Variants in C19orf44 observed in about 807,000 individuals in gnomAD.
The protein encoded by C19orf44 is uncharacterized protein C19orf44.
A neutral mutation model predicts 50.7 loss-of-function variants in C19orf44; 43 were observed. The observed-to-expected ratio is 0.85, with a 90% CI of 0.66 to 1.09. The LOEUF (loss-of-function observed/expected upper bound fraction) is 1.09, where lower values mean the gene tolerates loss of function less well. Among genes scored for constraint, C19orf44 ranks in the 50% least tolerant of loss-of-function variants. The pLI, the probability that C19orf44 is intolerant of heterozygous loss-of-function variation, is 0.00. For missense variants in C19orf44, 722 were observed against 836.2 expected (o/e 0.86, Z 1.68); for synonymous variants, 298 against 334.7 (o/e 0.89, Z 1.20).
rs2093450404 is a variant in C19orf44, at chr19:16,509,594, C to G, written c.1245C>G (p.Ser415Arg). 1.2e-6 allele frequency: 2 copies of G among 1,614,172 alleles called. No individual in the cohort carries two copies. The highest frequency in any genetic ancestry group is 1.7e-6 in the Non-Finnish European group (2 of 1,179,994). Reference protein sequence around the residue: ...QDAPRQAQARSWASQGKAASA... With the variant: ...QDAPRQAQARRWASQGKAASA... Reference sequence around the variant, plus strand: ...CCCCGAGGCAGGCCCAGGCGAGGAGCTGGGCATCACAGGGAAAGGCCGCCT... The same window carrying G: ...CCCCGAGGCAGGCCCAGGCGAGGAGGTGGGCATCACAGGGAAAGGCCGCCT... The change falls in exon 5 of 9, where the codon AGC (serine) becomes AGG (arginine). Residue 415 changes from serine to arginine, a missense_variant. Physicochemically the swap from Ser to Arg is moderately radical, Grantham distance 110. Coordinates refer to ENST00000221671, the MANE Select transcript of C19orf44 (RefSeq NM_032207.4).
Position 16,514,520 on chromosome 19 carries a change from G to A in C19orf44, c.1759G>A (p.Val587Met), listed in dbSNP as rs752207347. 7 of 1,611,160 alleles carry A rather than the reference G, an allele frequency of 4.3e-6. No homozygotes were observed. The highest frequency in any genetic ancestry group is 1.7e-5 in the Admixed American group (1 of 59,828). ...IEALTAYSPA[V>M]LALHDVLKQQ... is the part of the protein sequence containing the mutation. The stretch of plus-strand genomic sequence containing the variant: ...AGCCCTGACCGCTTACAGCCCGGCC[G>A]TGCTGGCACTCCATGATGTGCTGAA... Residue 587 changes from valine to methionine, a missense_variant, in exon 7 of 9, where the codon GTG becomes ATG. Val to Met is a conservative substitution (Grantham distance 21). Transcript: ENST00000221671.
chr19:16,519,661 G>C lies in C19orf44; in HGVS notation c.*41-433G>C, dbSNP rs746781834. On this transcript the variant is annotated intron_variant, in intron 8 of 8. Transcript: ENST00000221671. The surrounding 1 kb of genome is among the most constrained non-coding windows in gnomAD (Gnocchi z 6.0). ...TCTGATGGCCTTTGTTCTCTTCTCC[G>C]AGCCTTGAGTCAGGGATGGGAGGCG... The C allele has an allele frequency of 2.2e-5, 36 of 1,613,930 alleles. No homozygotes were observed. Among genetic ancestry groups the C allele is most frequent in the Non-Finnish European group, 2.8e-5 (33 of 1,180,016 alleles).
At chr19:16,501,717 G>A (rs534261830) in intron 2 of C19orf44, among the ~76,000 whole-genome samples, 166 bp downstream of exon 2, 175 of 146,750 alleles carry the variant, frequency 1.2e-3, no homozygotes, top group African/African-American at 4.2e-3. Context: ...TCAGCCTCCC[G>A]AGTAGCTGGA....
chr19:16,502,517 G>A (rs1186893048), intron 2 of C19orf44, among the ~76,000 whole-genome samples: 6 of 151,964 alleles, frequency 3.9e-5, no homozygotes, highest in African/African-American at 7.2e-5. Flanking sequence ...ATTTACAGGC[G>A]TGAGCCACCA....
rs1208834768 is a variant in C19orf44 at position 16,515,852 on chromosome 19, A to C, written c.1902+1189A>C. 2.0e-5 allele frequency among the ~76,000 whole-genome samples: 3 copies of C among 151,792 alleles called. No individual in the cohort carries two copies. The East Asian group carries it at 5.8e-4, about 30-fold the overall frequency. On this transcript the variant is annotated intron_variant, in intron 7 of 8. Coordinates refer to ENST00000221671, the MANE Select transcript of C19orf44 (RefSeq NM_032207.4). Reference sequence around the variant, plus strand: ...ACTCTTGTTGCCCAGGCTGGGGTGCAATGGTGCAATCTCAGCTCACTGCAA... The same window carrying C: ...ACTCTTGTTGCCCAGGCTGGGGTGCCATGGTGCAATCTCAGCTCACTGCAA...
chr19:16,500,747 A>C, intron 1 of C19orf44, 45 bp from the exon 2 acceptor site: 1 of 1,514,540 alleles, frequency 6.6e-7, no homozygotes. Context: ...TGCTCAATAC[A>C]AACAGCAGGT....
chr19:16,506,420 T>G (rs1038405614), intron 3 of C19orf44, among the ~76,000 whole-genome samples: 1 of 151,930 alleles, frequency 6.6e-6, no homozygotes, highest in Non-Finnish European at 1.5e-5. Context: ...TGGTGAAATC[T>G]TGTCTGTACT....
intron 6 of C19orf44, among the ~76,000 whole-genome samples, chr19:16,513,383 C>CT (rs779016654): frequency 6.6e-6 from 1 of 152,092 alleles, no homozygotes; most frequent in Non-Finnish European, 1.5e-5. Context: ...AACAAGGCCA[C>CT]TTTTTTTGTT....
At chr19:16,517,090 A>C in intron 7 of C19orf44, 140 bp from the exon 8 acceptor site, 2 of 746,544 alleles carry the variant, frequency 2.7e-6, no homozygotes, top group Non-Finnish European at 2.2e-6. Context: ...CCTGTCACAC[A>C]CATCCTGTGG....
intron 5 of C19orf44, among the ~76,000 whole-genome samples, chr19:16,511,356 T>A (rs1260248479): frequency 6.6e-6 from 1 of 151,956 alleles, no homozygotes; most frequent in Non-Finnish European, 1.5e-5. Flanking sequence ...TTTAAAATGT[T>A]CTTTGTAGAG....
chr19:16,513,541 G>A (rs954817955), intron 6 of C19orf44, among the ~76,000 whole-genome samples: 36 of 151,694 alleles, frequency 2.4e-4, no homozygotes, highest in African/African-American at 6.8e-4. Context: ...CTGCCACCAC[G>A]CCCGGCTAAT....
chr19:16,506,661 A>C, intron 3 of C19orf44, 40 bp from the exon 4 acceptor site: 1 of 1,297,964 alleles, frequency 7.7e-7, no homozygotes, highest in Non-Finnish European at 1.1e-6. Context: ...AGTAAATAAG[A>C]GAGTAAATGT....
In C19orf44 at chr19:16,513,060, G is replaced by A. The variant is rs753080370; in HGVS notation, c.1686G>A (p.Val562=). The part of the protein sequence containing the change: ...AMGPALGGAY[V]DPTPIANHVI... ...GGCCTGCCCTGGGAGGCGCCTACGT[G>A]GACCCGACACCCATCGCCAATCATG... is the stretch of plus-strand genomic sequence containing the variant. The change falls in exon 6 of 9, where the codon GTG becomes GTA. Residue 562 remains valine, a synonymous_variant. Coordinates refer to ENST00000221671, the MANE Select transcript of C19orf44 (RefSeq NM_032207.4). 1.2e-6 allele frequency: 2 copies of A among 1,613,792 alleles called. No homozygotes were observed. The highest frequency in any genetic ancestry group is 1.7e-6 in the Non-Finnish European group (2 of 1,180,020).
chr19:16,503,503 A>G, intron 3 of C19orf44, 123 bp downstream of exon 3: 1 of 985,520 alleles, frequency 1.0e-6, no homozygotes, highest in South Asian at 1.7e-5. Flanking sequence ...CGCATCTCAC[A>G]CTCAGCTTTC....
rs371336794 is a variant in C19orf44 at position 16,517,169 on chromosome 19, CCT to C, written c.1903-60_1903-59del. 7.1e-4 allele frequency: 1,065 copies of C among 1,496,060 alleles called. 9 individuals carry two copies. The African/African-American group carries it at 0.013, about 18-fold the overall frequency. The allele number at this position is 1,496,060 out of a possible 1,614,324, so 92.7% of individuals were successfully genotyped here. ...CTGGCTCCACTCCCTCCTCCAGCAC[CCT>C]GTCTCAGAGTGTACTGAGGTGACGA... is the stretch of plus-strand genomic sequence containing the variant. On this transcript the variant is annotated intron_variant, in intron 7 of 8. Transcript: ENST00000221671.
rs756814474 is a variant in C19orf44 at position 16,509,616 on chromosome 19, G to C, written c.1267G>C (p.Ala423Pro). The change falls in exon 5 of 9, where the codon GCC (alanine) becomes CCC (proline). Residue 423 changes from alanine (A) to proline (P), a missense_variant. Ala to Pro is a conservative substitution (Grantham distance 27, BLOSUM62 -1). Transcript: ENST00000221671. ...GAGCTGGGCATCACAGGGAAAGGCC[G>C]CCTCTGCAGAGGGGGATGAGAGCGA... Reference protein sequence around the residue: ...ARSWASQGKAASAEGDESEVS... With the variant: ...ARSWASQGKAPSAEGDESEVS... The C allele has an allele frequency of 2.4e-5, 39 of 1,614,090 alleles. No homozygotes were observed. The highest frequency in any genetic ancestry group is 3.2e-5 in the Non-Finnish European group (38 of 1,180,034).
Position 16,501,557 on chromosome 19 carries a change from A to AG in C19orf44, c.759+6_759+7insG. ...AAGAAAGAAAACTATTTTCGGTGAG[A>AG]TTTTTTTTTTTTGGTAAATTTATTT... On this transcript the variant is annotated splice_region_variant and intron_variant, in intron 2 of 8. Transcript: ENST00000221671. 8.3e-7 allele frequency: 1 copy of AG among 1,198,174 alleles called. No homozygotes were observed. Among genetic ancestry groups the AG allele is most frequent in the Non-Finnish European group, 1.1e-6 (1 of 918,118 alleles). 74.2% of individuals were successfully genotyped at this position (1,198,174 alleles called of 1,614,324 possible).
intron 7 of C19orf44, among the ~76,000 whole-genome samples, chr19:16,516,840 T>C (rs553459505): frequency 6.6e-5 from 10 of 152,362 alleles, no homozygotes; most frequent in African/African-American, 2.4e-4. Flanking sequence ...TGCAGCCCTC[T>C]GGGGGCTTTG....
At position 16,520,053 on chromosome 19, in the gene C19orf44, C is replaced by G; in HGVS notation, c.*41-41C>G. ...TCCCCGGGCTAATGCTGGCGGCCTC[C>G]TAACACAGTCTCCTAACCACCAATG... On this transcript the variant is annotated intron_variant, in intron 8 of 8. Transcript: ENST00000221671. This position sits in a 1 kb window ranked among gnomAD's most constrained non-coding sequence, Gnocchi z 4.0. The G allele has an allele frequency of 1.5e-6, 2 of 1,336,286 alleles. No individual in the cohort carries two copies. Among genetic ancestry groups the G allele is most frequent in the East Asian group, 2.3e-5 (1 of 43,420 alleles). 82.8% of individuals were successfully genotyped at this position (1,336,286 alleles called of 1,614,324 possible).
Sources: gnomAD v4.1 joint callset for allele counts (sites outside exome capture counted in the v4.1 genomes callset) on GRCh38, gnomAD v4.1.1 for gene constraint, Gnocchi (gnomAD v3.1) non-coding constraint, MANE v1.5 for transcripts, NCBI Gene and HGNC (gene_info 2026-07-23, HGNC 2026-07-21) for gene names.